Variants in PKN2 observed in about 807,000 individuals in gnomAD.
PKN2 encodes serine/threonine-protein kinase N2.
In PKN2, 38 loss-of-function variants were observed where a neutral mutation model predicts 119.1. The ratio of observed to expected loss-of-function variants is 0.32; its 90% CI spans 0.25 to 0.42. PKN2 has a LOEUF of 0.42. Among genes scored for constraint, PKN2 ranks in the 10% least tolerant of loss-of-function variants. The probability of loss-of-function intolerance (pLI) is 1.00; values close to 1 mark genes in which losing one functional copy is unlikely to be tolerated. For synonymous variants in PKN2, 390 were observed against 384.9 expected (o/e 1.01, Z -0.15); for missense variants, 850 against 1,165.1 (o/e 0.73, Z 3.94).
At chr1:88,772,139 G>C (rs1408726374) in intron 6 of PKN2, among the ~76,000 whole-genome samples, 1 of 152,182 alleles carries the variant, frequency 6.6e-6, no homozygotes, top group African/African-American at 2.4e-5. Flanking sequence ...CTGTTAAGCA[G>C]TCACTCCCCA....
chr1:88,789,694 C>T (rs537092042), intron 8 of PKN2, among the ~76,000 whole-genome samples: 27 of 140,728 alleles, frequency 1.9e-4, no homozygotes, highest in East Asian at 1.6e-3. Context: ...ATAATAATAA[C>T]AACAACAAAA....
At chr1:88,710,839 A>G (rs537805873) in intron 1 of PKN2, among the ~76,000 whole-genome samples, 2 of 152,316 alleles carry the variant, frequency 1.3e-5, no homozygotes, top group Non-Finnish European at 2.9e-5. Context: ...TTATAAAGAC[A>G]CATTCACGCA....
chr1:88,788,923 A>G (rs949923392), intron 8 of PKN2, among the ~76,000 whole-genome samples: 4 of 152,166 alleles, frequency 2.6e-5, no homozygotes, highest in East Asian at 1.9e-4. Context: ...ATAAATGACA[A>G]AATGTTACAC....
At chr1:88,804,360 T>G (rs1042800406) in intron 8 of PKN2, 31 bp from the exon 9 acceptor site, 2 of 1,531,420 alleles carry the variant, frequency 1.3e-6, no homozygotes, top group African/African-American at 2.8e-5. Flanking sequence ...GTCTTTTCTG[T>G]TTTCTTTATT....
At chr1:88,827,658 C>A (rs1435223167) in intron 18 of PKN2, among the ~76,000 whole-genome samples, 1 of 147,766 alleles carries the variant, frequency 6.8e-6, no homozygotes, top group African/African-American at 2.5e-5. Flanking sequence ...TCTCCCCTCC[C>A]CTCCCGTCCC....
chr1:88,719,131 T>C (rs1667570332), intron 1 of PKN2, among the ~76,000 whole-genome samples: 1 of 152,220 alleles, frequency 6.6e-6, no homozygotes, highest in Non-Finnish European at 1.5e-5. Context: ...AATGGAAAGG[T>C]TGCACTTGTT....
intron 8 of PKN2, among the ~76,000 whole-genome samples, chr1:88,799,674 T>A (rs1671229491): frequency 6.6e-6 from 1 of 152,208 alleles, no homozygotes. Flanking sequence ...GGGTAGTTCC[T>A]TTTTTAAGAT....
Position 88,834,272 on chromosome 1 carries a change from G to C in PKN2, c.*824G>C, listed in dbSNP as rs963197556. 6.6e-6 allele frequency: 1 copy of C among 152,232 alleles called. No individual in the cohort carries two copies. Among genetic ancestry groups the C allele is most frequent in the African/African-American group, 2.4e-5 (1 of 41,426 alleles). The allele number at this position is 152,232 out of a possible 1,614,324, so 9.4% of individuals were successfully genotyped here. ...TCAGTATGTTCAGTCATATCTTTCA[G>C]AATCAGTGAACCGATTACCCTTTTT... On this transcript the variant is annotated 3_prime_UTR_variant, in exon 22 of 22. Transcript: ENST00000370521.
At chr1:88,703,971 T>C (rs955610532) in intron 1 of PKN2, among the ~76,000 whole-genome samples, 7 of 152,168 alleles carry the variant, frequency 4.6e-5, no homozygotes, top group Non-Finnish European at 7.4e-5. Context: ...GCTTTTTTTT[T>C]CAGCATCCTT....
At chr1:88,809,879 G>A (rs1039554399) in intron 15 of PKN2, among the ~76,000 whole-genome samples, 6 of 151,910 alleles carry the variant, frequency 3.9e-5, no homozygotes, top group Non-Finnish European at 8.8e-5. Context: ...CCGAAGTGTT[G>A]TGATTATAGG....
chr1:88,828,261 C>A (rs1466967703), intron 18 of PKN2, among the ~76,000 whole-genome samples: 5 of 152,158 alleles, frequency 3.3e-5, no homozygotes, highest in African/African-American at 1.2e-4. Flanking sequence ...ACATGGATAT[C>A]TTATTTCTAT....
intron 1 of PKN2, among the ~76,000 whole-genome samples, chr1:88,701,384 C>T (rs1033874697): frequency 1.3e-5 from 2 of 152,200 alleles, no homozygotes; most frequent in Non-Finnish European, 2.9e-5. Context: ...TTATTAAGCC[C>T]TTCTACTAGA....
At chr1:88,708,714 G>A (rs1192619303) in intron 1 of PKN2, among the ~76,000 whole-genome samples, 3 of 149,746 alleles carry the variant, frequency 2.0e-5, no homozygotes, top group African/African-American at 7.4e-5. Context: ...TACCTGTCTC[G>A]GCCTCCCACA....
intron 8 of PKN2, 148 bp from the exon 9 acceptor site, chr1:88,804,243 T>G: frequency 1.6e-6 from 1 of 626,026 alleles, no homozygotes; most frequent in Non-Finnish European, 2.7e-6. Context: ...TTGAGAAATG[T>G]TACAAACCTC....
At chr1:88,813,452 A>G (rs1671859759) in intron 15 of PKN2, 105 bp from the exon 16 acceptor site, 2 of 725,996 alleles carry the variant, frequency 2.8e-6, no homozygotes, top group South Asian at 2.1e-5. Flanking sequence ...TTTTTAAGTT[A>G]TAGTTAAAAT....
chr1:88,825,968 G>A (rs920857281), intron 18 of PKN2, among the ~76,000 whole-genome samples: 1 of 152,102 alleles, frequency 6.6e-6, no homozygotes, highest in African/African-American at 2.4e-5. Context: ...TCTATTTGCT[G>A]ACTAACATCT....
chr1:88,693,080 A>C (rs1251605755), intron 1 of PKN2, among the ~76,000 whole-genome samples: 2 of 152,238 alleles, frequency 1.3e-5, no homozygotes, highest in Admixed American at 1.3e-4. Flanking sequence ...TTCAGAAGCA[A>C]AGAAATAGCA....
chr1:88,716,603 C>T (rs961499218), intron 1 of PKN2, among the ~76,000 whole-genome samples: 16 of 152,078 alleles, frequency 1.1e-4, no homozygotes, highest in Non-Finnish European at 1.6e-4. Flanking sequence ...TTATCAGAGA[C>T]GAGGACTGCA....
intron 1 of PKN2, among the ~76,000 whole-genome samples, chr1:88,710,911 A>G (rs1015571314): frequency 2.4e-4 from 37 of 152,244 alleles, no homozygotes; most frequent in African/African-American, 8.7e-4. Flanking sequence ...ATGCCCACCA[A>G]TAATAGACTG....
Sources: gnomAD v4.1 joint callset for allele counts (sites outside exome capture counted in the v4.1 genomes callset) on GRCh38, gnomAD v4.1.1 for gene constraint, MANE v1.5 for transcripts, NCBI Gene and HGNC (gene_info 2026-07-23, HGNC 2026-07-21) for gene names.